The following DENND1B variants were observed in gnomAD, a reference collection of about 807,000 sequenced individuals.
DENND1B encodes DENN domain containing 1B.
A neutral mutation model predicts 90.1 loss-of-function variants in DENND1B; 59 were observed. The ratio of observed to expected loss-of-function variants is 0.65; its 90% CI spans 0.53 to 0.81. DENND1B has a LOEUF of 0.81. DENND1B is among the 40% of genes least tolerant of loss of function. The pLI, the probability that DENND1B is intolerant of heterozygous loss-of-function variation, is 0.00. For synonymous variants in DENND1B, 337 were observed against 324.6 expected (o/e 1.04, Z -0.41); for missense variants, 862 against 912.6 (o/e 0.94, Z 0.71).
chr1:197,701,684 C>T (rs940480972), intron 3 of DENND1B, among the ~76,000 whole-genome samples: 11 of 152,108 alleles, frequency 7.2e-5, no homozygotes, highest in Non-Finnish European at 1.5e-4. Flanking sequence ...AGAACCACAT[C>T]GTCTTCTTTA....
intron 16 of DENND1B, chr1:197,552,519 T>TA: frequency 1.0e-6 from 1 of 985,496 alleles, no homozygotes; most frequent in Non-Finnish European, 1.2e-6. Flanking sequence ...GGAAACTTTC[T>TA]TAATGCTGCA....
intron 15 of DENND1B, among the ~76,000 whole-genome samples, chr1:197,568,258 A>T (rs749644194): frequency 6.6e-6 from 1 of 152,300 alleles, no homozygotes; most frequent in South Asian, 2.1e-4. Context: ...TTACAATAGC[A>T]TAAAAAAATA....
chr1:197,569,766 T>C (rs1672995206), intron 15 of DENND1B, among the ~76,000 whole-genome samples: 1 of 152,134 alleles, frequency 6.6e-6, no homozygotes, highest in South Asian at 2.1e-4. Flanking sequence ...GAATGGTAGT[T>C]ACCAGGGGTT....
intron 14 of DENND1B, among the ~76,000 whole-genome samples, chr1:197,589,807 G>A (rs547865578): frequency 2.0e-5 from 3 of 152,248 alleles, no homozygotes; most frequent in South Asian, 4.1e-4. Flanking sequence ...CAAGGTTCAA[G>A]GCAGCCCAGG....
rs541843666 is a variant in DENND1B, at chr1:197,734,569, C to A, written c.83-19495G>T. Reference sequence around the variant, plus strand: ...GTGTTATTGGTATAAAAAGAAAAATCTTTTTCCTTCTTTCAAAATTGACTG... The same window carrying A: ...GTGTTATTGGTATAAAAAGAAAAATATTTTTCCTTCTTTCAAAATTGACTG... On this transcript the variant is annotated intron_variant, in intron 2 of 22. Transcript: ENST00000620048. The A allele has an allele frequency of 4.2e-5, 41 of 979,822 alleles. No individual in the cohort carries two copies. In the African/African-American group the frequency reaches 6.5e-4, roughly 15 times the overall value. 60.7% of individuals were successfully genotyped at this position (979,822 alleles called of 1,614,324 possible).
chr1:197,747,698 T>C (rs1652886522), intron 2 of DENND1B, among the ~76,000 whole-genome samples: 1 of 152,214 alleles, frequency 6.6e-6, no homozygotes, highest in Non-Finnish European at 1.5e-5. Context: ...GCCTAAAGTA[T>C]CTGCCTCCAA....
chr1:197,714,316 A>T (rs897134145), intron 3 of DENND1B, among the ~76,000 whole-genome samples: 1 of 152,070 alleles, frequency 6.6e-6, no homozygotes, highest in African/African-American at 2.4e-5. Flanking sequence ...AAAATCCTTA[A>T]ATCTGTATTA....
At chr1:197,570,586 G>A (rs1258378346) in intron 15 of DENND1B, among the ~76,000 whole-genome samples, 2 of 152,060 alleles carry the variant, frequency 1.3e-5, no homozygotes, top group Non-Finnish European at 2.9e-5. Flanking sequence ...TATTAGAGGT[G>A]GATGATCTTG....
At chr1:197,727,464 G>A (rs576362600) in intron 2 of DENND1B, among the ~76,000 whole-genome samples, 2 of 151,808 alleles carry the variant, frequency 1.3e-5, no homozygotes, top group Non-Finnish European at 2.9e-5. Flanking sequence ...GAACCCGGGA[G>A]GCGGAGCTTG....
At chr1:197,553,541 G>A (rs6688993) in intron 15 of DENND1B, among the ~76,000 whole-genome samples, 120,788 of 152,066 alleles carry the variant, frequency 0.79, 48,107 homozygotes, top group East Asian at 0.87. Context: ...CCTGCCTCAC[G>A]GTGTTGCTGC....
At chr1:197,575,517 AGT>A (rs1673591059) in intron 15 of DENND1B, among the ~76,000 whole-genome samples, 1 of 152,224 alleles carries the variant, frequency 6.6e-6, no homozygotes, top group Non-Finnish European at 1.5e-5. Flanking sequence ...TGTGGAAAAA[AGT>A]GTGAGGATTC....
intron 2 of DENND1B, chr1:197,735,347 C>T: frequency 7.6e-7 from 1 of 1,317,010 alleles, no homozygotes. Context: ...TGCTACACAG[C>T]TCCACCTTGG....
chr1:197,587,002 A>G (rs1432457030), intron 14 of DENND1B, among the ~76,000 whole-genome samples: 1 of 152,218 alleles, frequency 6.6e-6, no homozygotes, highest in Non-Finnish European at 1.5e-5. Flanking sequence ...AAACGGCAAC[A>G]ACAAGTACAG....
rs372722772 is a variant in DENND1B, at chr1:197,714,121, C to T, written c.126+910G>A. Among the ~76,000 whole-genome samples, 11 of 150,202 alleles carry T rather than the reference C, an allele frequency of 7.3e-5. 1 individual carries two copies. In the South Asian group the frequency reaches 1.1e-3, roughly 14 times the overall value. On this transcript the variant is annotated intron_variant, in intron 3 of 22. Transcript: ENST00000620048. Reference sequence around the variant, plus strand: ...CCTCCCAAGTAGCTGAGATTACAGGCGCACGCCACCACACACGGCTGTTTT... The same window carrying T: ...CCTCCCAAGTAGCTGAGATTACAGGTGCACGCCACCACACACGGCTGTTTT...
intron 3 of DENND1B, among the ~76,000 whole-genome samples, chr1:197,714,404 A>C (rs769664744): frequency 6.6e-6 from 1 of 152,324 alleles, no homozygotes; most frequent in East Asian, 1.9e-4. Flanking sequence ...TTCTATTTAC[A>C]TATATCATGT....
intron 7 of DENND1B, among the ~76,000 whole-genome samples, chr1:197,651,095 G>A (rs1653112338): frequency 6.6e-6 from 1 of 151,938 alleles, no homozygotes; most frequent in Non-Finnish European, 1.5e-5. Context: ...CAACTTCCCT[G>A]TCTCATAAAA....
At chr1:197,742,015 T>C (rs1466647957) in intron 2 of DENND1B, among the ~76,000 whole-genome samples, 1 of 152,112 alleles carries the variant, frequency 6.6e-6, no homozygotes, top group Non-Finnish European at 1.5e-5. Context: ...AAATAATATA[T>C]GTAAAATCCC....
chr1:197,743,339 T>C (rs1431400410), intron 2 of DENND1B, among the ~76,000 whole-genome samples: 1 of 152,226 alleles, frequency 6.6e-6, no homozygotes, highest in Non-Finnish European at 1.5e-5. Context: ...CATATAAAAG[T>C]TATGTTCACA....
At chr1:197,602,948 T>C (rs913820249) in intron 13 of DENND1B, among the ~76,000 whole-genome samples, 3 of 151,328 alleles carry the variant, frequency 2.0e-5, no homozygotes, top group African/African-American at 7.3e-5. Context: ...GCACTCCTTC[T>C]TATGATTCCT....
Sources: allele counts gnomAD v4.1 joint callset (sites outside exome capture counted in the v4.1 genomes callset), GRCh38; gene constraint gnomAD v4.1.1; transcripts MANE v1.5; gene names NCBI Gene and HGNC (gene_info 2026-07-23, HGNC 2026-07-21).